The following GALNT15 variants were observed in gnomAD, a reference collection of about 807,000 sequenced individuals.
The protein encoded by GALNT15 is polypeptide N-acetylgalactosaminyltransferase 15.
A neutral mutation model predicts 66.8 loss-of-function variants in GALNT15; 67 were observed. That is an observed-to-expected ratio of 1.00 (90% confidence interval 0.82 to 1.23). The LOEUF is 1.23. Ranked by LOEUF, GALNT15 falls within the 50% of genes most tolerant of loss-of-function variation. The pLI is 0.00. For missense variants in GALNT15, 827 were observed against 804.3 expected (o/e 1.03, Z -0.34); for synonymous variants, 313 against 311.5 (o/e 1.00, Z -0.05).
chr3:16,244,313 A>G, the GALNT15 span, among the ~76,000 whole-genome samples: 1 of 152,218 alleles, frequency 6.6e-6, no homozygotes, highest in Non-Finnish European at 1.5e-5. Flanking sequence ...GACAGCTCAG[A>G]TAACATTCCT....
At position 16,186,549 on chromosome 3, in the gene GALNT15, G is replaced by A. The variant is rs2063518078; in HGVS notation, c.540-9211G>A. Among the ~76,000 whole-genome samples, 1 of 152,202 alleles carries A rather than the reference G, an allele frequency of 6.6e-6. No individual in the cohort carries two copies. The highest frequency in any genetic ancestry group is 2.4e-5 in the African/African-American group (1 of 41,438). On this transcript the variant is annotated intron_variant, in intron 1 of 9. Transcript: ENST00000339732. The surrounding 1 kb of genome is among the most constrained non-coding windows in gnomAD (Gnocchi z 5.1). Reference sequence around the variant, plus strand: ...ATAGGAGCAATCCAAATGTCCATCAGCTGATGAATGGACAAACAAAATGTG... The same window carrying A: ...ATAGGAGCAATCCAAATGTCCATCAACTGATGAATGGACAAACAAAATGTG...
At chr3:16,207,571 G>A (rs28430951) in intron 3 of GALNT15, among the ~76,000 whole-genome samples, 114,629 of 114,674 alleles carry the variant, frequency 1, 57,292 homozygotes, top group Middle Eastern at 1. Context: ...CACCATTACC[G>A]GGAAATGAGC....
chr3:16,247,559 CG>C, the GALNT15 span, among the ~76,000 whole-genome samples: 6 of 152,232 alleles, frequency 3.9e-5, no homozygotes, highest in African/African-American at 1.4e-4. Context: ...CACCCTTCAA[CG>C]GGGCTTGTGA....
chr3:16,191,184 G>A lies in GALNT15; in HGVS notation c.540-4576G>A, dbSNP rs1000706835. On this transcript the variant is annotated intron_variant, in intron 1 of 9. Transcript: ENST00000339732. The surrounding 1 kb of genome is among the most constrained non-coding windows in gnomAD (Gnocchi z 5.2). ...TTCATAAAACCCCAAAATTCCTGGAGCAAGGGGAGTCTATGAAATTCTCTT... is the reference window on the plus strand; with the variant it reads ...TTCATAAAACCCCAAAATTCCTGGAACAAGGGGAGTCTATGAAATTCTCTT... 1.3e-5 allele frequency among the ~76,000 whole-genome samples: 2 copies of A among 152,208 alleles called. No homozygotes were observed. Among genetic ancestry groups the A allele is most frequent in the African/African-American group, 4.8e-5 (2 of 41,440 alleles).
the GALNT15 span, among the ~76,000 whole-genome samples, chr3:16,246,078 T>C: frequency 2.8e-4 from 43 of 152,278 alleles, no homozygotes; most frequent in South Asian, 1.2e-3. Context: ...CAAGAGATTA[T>C]GGCTGGGGGC....
In GALNT15 at chr3:16,174,962, GGT is replaced by G. The variant is rs1398130540; in HGVS notation, c.-189_-188del. 3.4e-6 allele frequency: 2 copies of G among 580,310 alleles called. 1 individual carries two copies. Among genetic ancestry groups the G allele is most frequent in the African/African-American group, 3.7e-5 (2 of 53,884 alleles). 35.9% of individuals were successfully genotyped at this position (580,310 alleles called of 1,614,324 possible). A position where few individuals can be genotyped will look rare whatever the true frequency, so the allele number is the denominator to read the frequency against. On this transcript the variant is annotated 5_prime_UTR_variant, in exon 1 of 10. It introduces an in-frame stop codon into an upstream open reading frame of the 5' UTR. Transcript: ENST00000339732. The surrounding 1 kb of genome is among the most constrained non-coding windows in gnomAD (Gnocchi z 4.7). ...ACTTGGGGTGAAACTTGGGTCCTGT[GGT>G]TTTCTGATTGTAAGTGGAAGCAGGT...
chr3:16,212,516 C>T (rs748067913), intron 5 of GALNT15, 53 bp from the exon 6 acceptor site: 395 of 1,539,354 alleles, frequency 2.6e-4, no homozygotes, highest in Non-Finnish European at 3.2e-4. Context: ...CCCTATTTCC[C>T]GCCGTTCTTA....
At chr3:16,226,260 G>A (rs149616416) in intron 9 of GALNT15, among the ~76,000 whole-genome samples, 3 of 152,258 alleles carry the variant, frequency 2.0e-5, no homozygotes, top group Admixed American at 6.5e-5. Context: ...TCTGGAAGTA[G>A]GTAGGAGTGA....
downstream of GALNT15, among the ~76,000 whole-genome samples, chr3:16,233,092 A>ATGTT (rs771943641): frequency 6.2e-5 from 3 of 48,074 alleles, no homozygotes; most frequent in African/African-American, 2.6e-4. Context: ...AGGATAATGC[A>ATGTT]TCTTTTTTTT....
intron 1 of GALNT15, among the ~76,000 whole-genome samples, chr3:16,190,865 C>G (rs1400214821): frequency 6.6e-6 from 1 of 152,178 alleles, no homozygotes; most frequent in African/African-American, 2.4e-5. Context: ...ATTTTCAGCT[C>G]TGGTCTCCAG....
chr3:16,246,319 TG>T, the GALNT15 span, among the ~76,000 whole-genome samples: 5 of 126,306 alleles, frequency 4.0e-5, no homozygotes, highest in East Asian at 6.7e-4. Flanking sequence ...GTTTTGAAAG[TG>T]GTTTTTTTTT....
the GALNT15 span, among the ~76,000 whole-genome samples, chr3:16,244,964 T>C: frequency 0.077 from 11,687 of 152,258 alleles, 724 homozygotes; most frequent in African/African-American, 0.18. Context: ...CCCTGAGCCC[T>C]GTGCTAAGTG....
At chr3:16,235,776 G>A (rs966460886), downstream of GALNT15, among the ~76,000 whole-genome samples, 28 of 152,262 alleles carry the variant, frequency 1.8e-4, no homozygotes, top group Non-Finnish European at 2.1e-4. Flanking sequence ...AAGAGGAAAA[G>A]AGCAGCCTTG....
intron 6 of GALNT15, among the ~76,000 whole-genome samples, chr3:16,214,852 A>G (rs1269930357): frequency 2.6e-5 from 4 of 152,172 alleles, no homozygotes; most frequent in African/African-American, 7.2e-5. Flanking sequence ...ACTTTATTCA[A>G]TTAGCAACAG....
chr3:16,225,022 G>A lies in GALNT15; in HGVS notation c.1773+2264G>A, dbSNP rs2063991149. Among the ~76,000 whole-genome samples the A allele has an allele frequency of 6.6e-6, 1 of 152,178 alleles. No homozygotes were observed. Among genetic ancestry groups the A allele is most frequent in the African/African-American group, 2.4e-5 (1 of 41,436 alleles). On this transcript the variant is annotated intron_variant, in intron 9 of 9. Coordinates refer to ENST00000339732, the MANE Select transcript of GALNT15 (RefSeq NM_054110.5). This position sits in a 1 kb window ranked among gnomAD's most constrained non-coding sequence, Gnocchi z 4.4. ...AAAGGTGTAATTGGCTCATGGTTCTGCAGGCTGTATAGGAAGCATAGTGGC... is the reference window on the plus strand; with the variant it reads ...AAAGGTGTAATTGGCTCATGGTTCTACAGGCTGTATAGGAAGCATAGTGGC...
downstream of GALNT15, among the ~76,000 whole-genome samples, chr3:16,235,256 A>G (rs1044673012): frequency 2.6e-5 from 4 of 152,180 alleles, no homozygotes; most frequent in African/African-American, 4.8e-5. Flanking sequence ...AACATTAGAC[A>G]TCCTTCCTCC....
intron 6 of GALNT15, among the ~76,000 whole-genome samples, chr3:16,217,968 C>T (rs1231888232): frequency 6.6e-6 from 1 of 152,130 alleles, no homozygotes; most frequent in Non-Finnish European, 1.5e-5. Context: ...CAAGAAATCC[C>T]TGACTTAGAG....
chr3:16,233,696 G>T (rs2064106581), downstream of GALNT15, among the ~76,000 whole-genome samples: 1 of 152,064 alleles, frequency 6.6e-6, no homozygotes, highest in African/African-American at 2.4e-5. Flanking sequence ...GGGCCTCCAT[G>T]CCCTTCTGCC....
At chr3:16,208,460 T>C in intron 3 of GALNT15, 43 bp from the exon 4 acceptor site, 3 of 1,602,162 alleles carry the variant, frequency 1.9e-6, no homozygotes, top group Non-Finnish European at 2.6e-6. Flanking sequence ...CCCCAGCAAG[T>C]AAATGCTTTA....
Sources: allele counts gnomAD v4.1 joint callset (sites outside exome capture counted in the v4.1 genomes callset), GRCh38; gene constraint gnomAD v4.1.1; non-coding constraint Gnocchi (gnomAD v3.1); transcripts MANE v1.5; gene names NCBI Gene and HGNC (gene_info 2026-07-23, HGNC 2026-07-21).